The following DDO variants were observed in gnomAD, a reference collection of about 807,000 sequenced individuals.
DDO encodes D-aspartate oxidase, DDO.
Under a neutral mutation model 16.8 loss-of-function variants are expected in DDO, and 16 were observed. The observed-to-expected ratio is 0.95, with a 90% CI of 0.65 to 1.45. The LOEUF is 1.45. DDO is among the 40% of genes most tolerant of loss of function. The pLI, the probability that DDO is intolerant of heterozygous loss-of-function variation, is 0.00. For missense variants in DDO, 429 were observed against 420.3 expected, an observed-to-expected ratio of 1.02 and a Z score of -0.18; for synonymous variants, 180 against 167.2, an observed-to-expected ratio of 1.08 and a Z score of -0.59.
downstream of DDO, chr6:110,388,779 GA>G (rs1240569504): frequency 1.0e-6 from 1 of 982,210 alleles, no homozygotes; most frequent in Non-Finnish European, 1.2e-6. Flanking sequence ...TGAAAGCAGA[GA>G]TTTAAGAAGG....
chr6:110,408,555 A>G (rs1773739326), intron 2 of DDO, 113 bp from the exon 3 acceptor site: 2 of 841,058 alleles, frequency 2.4e-6, no homozygotes, highest in African/African-American at 3.4e-5. Context: ...GGCAAAAATA[A>G]AATAAGGAGG....
At chr6:110,393,382 C>A in intron 4 of DDO, 40 bp from the exon 5 acceptor site, 4 of 1,513,548 alleles carry the variant, frequency 2.6e-6, no homozygotes, top group Non-Finnish European at 3.5e-6. Flanking sequence ...TTGTTAGCGA[C>A]CTGATCAACT....
chr6:110,392,521 T>TGGGA lies in DDO; in HGVS notation c.*250_*253dup, dbSNP rs1178455187. ...TTGTTGTTGGTGTTTTTTTTAGAGG[T>TGGGA]GGGAACTGGCACCTCTAAAAAATGT... On this transcript the variant is annotated 3_prime_UTR_variant, in exon 5 of 5. Transcript: ENST00000368924. The TGGGA allele has an allele frequency of 1.7e-6, 2 of 1,178,378 alleles. No individual in the cohort carries two copies. Among genetic ancestry groups the TGGGA allele is most frequent in the South Asian group, 4.3e-5 (1 of 23,374 alleles). 73.0% of individuals were successfully genotyped at this position (1,178,378 alleles called of 1,614,324 possible).
chr6:110,400,772 A>T (rs146884269), intron 4 of DDO, among the ~76,000 whole-genome samples: 414 of 152,318 alleles, frequency 2.7e-3, no homozygotes, highest in Middle Eastern at 0.01. Context: ...ATTACCCATA[A>T]GCTCAAGGCT....
chr6:110,413,553 G>A, intron 1 of DDO, 87 bp from the exon 2 acceptor site: 1 of 1,380,084 alleles, frequency 7.2e-7, no homozygotes, highest in Non-Finnish European at 1.0e-6. Context: ...TTTTTCCTTA[G>A]GTCTTCAGCC....
intron 4 of DDO, among the ~76,000 whole-genome samples, chr6:110,398,134 G>A (rs79507399): frequency 0.049 from 7,413 of 152,112 alleles, 239 homozygotes; most frequent in African/African-American, 0.087. Context: ...AGGGTTAGGG[G>A]CACTCAAGAA....
rs750698363 is a variant in DDO at position 110,393,339 on chromosome 6, T to C, written c.462A>G (p.Ile154Met). 1.3e-6 allele frequency: 2 copies of C among 1,593,954 alleles called. No homozygotes were observed. Reference sequence around the variant, plus strand: ...TGAGTGTCCAGCCTCCACTTCCCTTTATCCTACGGAAGAGAGGCCATGAAG... The same window carrying C: ...TGAGTGTCCAGCCTCCACTTCCCTTCATCCTACGGAAGAGAGGCCATGAAG... ...PAYLPWLEKRIKGSGGWTLTR... is the reference protein window; with the variant it reads ...PAYLPWLEKRMKGSGGWTLTR... The change falls in exon 5 of 5, where the codon ATA becomes ATG. Residue 154 changes from isoleucine to methionine, a missense_variant. Transcript: ENST00000368924.
intron 4 of DDO, among the ~76,000 whole-genome samples, chr6:110,398,782 G>A (rs1448066925): frequency 2.6e-5 from 4 of 152,172 alleles, no homozygotes; most frequent in South Asian, 2.1e-4. Flanking sequence ...GTTACAGAGA[G>A]GCCTAATCAG....
chr6:110,396,082 A>C (rs1389874045), intron 4 of DDO, among the ~76,000 whole-genome samples: 2 of 152,216 alleles, frequency 1.3e-5, no homozygotes, highest in African/African-American at 4.8e-5. Context: ...ATGAGCATGG[A>C]AGAGACCAAG....
At chr6:110,415,357 C>T in intron 1 of DDO, 110 bp downstream of exon 1, 3 of 1,445,002 alleles carry the variant, frequency 2.1e-6, no homozygotes, top group Non-Finnish European at 2.8e-6. Flanking sequence ...GTGGTGTGTC[C>T]TGGCACAGTG....
chr6:110,413,211 T>G, intron 2 of DDO, 80 bp downstream of exon 2: 1 of 1,502,474 alleles, frequency 6.7e-7, no homozygotes, highest in Admixed American at 1.8e-5. Context: ...TATAGCCAGC[T>G]GTCTTTTGTC....
At chr6:110,393,494 T>C in intron 4 of DDO, 152 bp from the exon 5 acceptor site, 15 of 1,105,186 alleles carry the variant, frequency 1.4e-5, no homozygotes, top group Non-Finnish European at 1.8e-5. Context: ...GGCCAAATTC[T>C]AGCCATCAAC....
chr6:110,415,141 C>G (rs561073510), intron 1 of DDO, among the ~76,000 whole-genome samples: 1 of 152,206 alleles, frequency 6.6e-6, no homozygotes, highest in Non-Finnish European at 1.5e-5. Context: ...GAGAAGGGAA[C>G]GGGCCCAGGC....
intron 4 of DDO, among the ~76,000 whole-genome samples, chr6:110,396,599 T>C (rs1352453170): frequency 6.6e-6 from 1 of 152,206 alleles, no homozygotes; most frequent in Admixed American, 6.5e-5. Context: ...GCATCTACAC[T>C]TTGGGGCCAC....
Position 110,415,556 on chromosome 6 carries a change from G to A in DDO, c.-94C>T. On this transcript the variant is annotated 5_prime_UTR_variant, in exon 1 of 5. Coordinates refer to ENST00000368924, the MANE Select transcript of DDO (RefSeq NM_001372108.2). Reference sequence around the variant, plus strand: ...GCCTGGCTGGTCTCATGCCCTGAGAGACAGAGAGAAAGCGAAACTGATTCC... The same window carrying A: ...GCCTGGCTGGTCTCATGCCCTGAGAAACAGAGAGAAAGCGAAACTGATTCC... 6.2e-7 allele frequency: 1 copy of A among 1,613,738 alleles called. No individual in the cohort carries two copies. The highest frequency in any genetic ancestry group is 1.3e-5 in the African/African-American group (1 of 75,034).
In DDO at chr6:110,400,169, A is replaced by T. The variant is rs149613385; in HGVS notation, c.458+4605T>A. Among the ~76,000 whole-genome samples, 1,181 of 152,358 alleles carry T rather than the reference A, an allele frequency of 7.8e-3. 16 individuals are homozygous for T. Among genetic ancestry groups the T allele is most frequent in the African/African-American group, 0.027 (1,116 of 41,582 alleles). Reference sequence around the variant, plus strand: ...GCCGCAGTCAGGGGTCAGGTCTGAAAACACAGAGATGATGGAACTACGGGG... The same window carrying T: ...GCCGCAGTCAGGGGTCAGGTCTGAATACACAGAGATGATGGAACTACGGGG... On this transcript the variant is annotated intron_variant, in intron 4 of 4. Coordinates refer to ENST00000368924, the MANE Select transcript of DDO (RefSeq NM_001372108.2).
At chr6:110,414,120 G>A (rs966544245) in intron 1 of DDO, among the ~76,000 whole-genome samples, 6 of 152,166 alleles carry the variant, frequency 3.9e-5, no homozygotes, top group Non-Finnish European at 4.4e-5. Flanking sequence ...ACCTAGGGAA[G>A]GTTGACAGAA....
At chr6:110,398,210 C>T (rs371066488) in intron 4 of DDO, among the ~76,000 whole-genome samples, 1 of 152,106 alleles carries the variant, frequency 6.6e-6, no homozygotes, top group African/African-American at 2.4e-5. Flanking sequence ...GTGTCCATTT[C>T]CCCAAGCTTA....
intron 2 of DDO, among the ~76,000 whole-genome samples, chr6:110,412,659 C>G (rs570832258): frequency 1.3e-5 from 2 of 152,228 alleles, no homozygotes; most frequent in East Asian, 1.9e-4. Context: ...TGGGCACATG[C>G]GCTGATGACA....
Sources: gnomAD v4.1 joint callset for allele counts (sites outside exome capture counted in the v4.1 genomes callset) on GRCh38, gnomAD v4.1.1 for gene constraint, MANE v1.5 for transcripts, NCBI Gene and HGNC (gene_info 2026-07-23, HGNC 2026-07-21) for gene names.